Variants in TNS1 observed in about 807,000 individuals in gnomAD.
TNS1 encodes the protein tensin 1, also known as tensin-1.
A neutral mutation model predicts 168.6 loss-of-function variants in TNS1; 62 were observed. The ratio of observed to expected loss-of-function variants is 0.37; its 90% confidence interval spans 0.30 to 0.45. The LOEUF is 0.45. TNS1 is among the 20% of genes least tolerant of loss of function. TNS1 has a pLI of 1.00. For synonymous variants in TNS1, 934 were observed against 933.2 expected, an observed-to-expected ratio of 1.00 and a Z score of -0.02; for missense variants, 2,240 against 2,339.4, an observed-to-expected ratio of 0.96 and a Z score of 0.88.
chr2:217,871,648 C>T (rs553294870), intron 18 of TNS1, among the ~76,000 whole-genome samples: 18 of 152,396 alleles, frequency 1.2e-4, no homozygotes, highest in African/African-American at 3.6e-4. Flanking sequence ...AGTTCTCTCC[C>T]ACAGCCCCAC....
intron 1 of TNS1, among the ~76,000 whole-genome samples, chr2:218,021,078 T>G (rs1958802881): frequency 6.6e-6 from 1 of 152,166 alleles, no homozygotes; most frequent in African/African-American, 2.4e-5. Flanking sequence ...GGCAGAGCAC[T>G]GAATAAGCCT....
intron 7 of TNS1, among the ~76,000 whole-genome samples, chr2:217,898,760 G>A (rs1343086959): frequency 6.6e-6 from 1 of 152,244 alleles, no homozygotes; most frequent in Non-Finnish European, 1.5e-5. Flanking sequence ...GAGAGGTGGG[G>A]AGGCCCCTGG....
chr2:217,800,663 C>T lies in TNS1; in HGVS notation c.*3796G>A, dbSNP rs1937349247. The T allele has an allele frequency of 6.6e-6, 1 of 152,176 alleles. No homozygotes were observed. The highest frequency in any genetic ancestry group is 2.4e-5 in the African/African-American group (1 of 41,430). The allele number at this position is 152,176 out of a possible 1,614,324, so 9.4% of individuals were successfully genotyped here. ...GTAAAGGGCTGCTCTGGGACTCTGC[C>T]CCCCAACCTCTTGGAGGACCCCGAG... On this transcript the variant is annotated 3_prime_UTR_variant, in exon 33 of 33. Transcript: ENST00000682258.
At chr2:217,835,635 G>A (rs1945061310) in intron 20 of TNS1, among the ~76,000 whole-genome samples, 2 of 152,282 alleles carry the variant, frequency 1.3e-5, no homozygotes, top group South Asian at 2.1e-4. Flanking sequence ...CTTTTGGAAT[G>A]AAAATTAAAT....
At chr2:217,843,244 C>T (rs1488648435) in intron 19 of TNS1, among the ~76,000 whole-genome samples, 1 of 152,056 alleles carries the variant, frequency 6.6e-6, no homozygotes, top group Admixed American at 6.5e-5. Context: ...GGTATCTCAC[C>T]TCCTGGTTGA....
At chr2:217,826,801 G>A (rs1943692236) in intron 22 of TNS1, among the ~76,000 whole-genome samples, 1 of 152,226 alleles carries the variant, frequency 6.6e-6, no homozygotes, top group Admixed American at 6.5e-5. Flanking sequence ...CCAAGTGGCT[G>A]CTGGCGGTGA....
upstream of TNS1, among the ~76,000 whole-genome samples, chr2:218,007,871 GC>G (rs1320104340): frequency 6.6e-6 from 1 of 152,142 alleles, no homozygotes; most frequent in African/African-American, 2.4e-5. Flanking sequence ...TACCCACCAA[GC>G]CCTGGCATGA....
intron 21 of TNS1, 77 bp downstream of exon 21, chr2:217,835,014 G>A: frequency 7.4e-7 from 1 of 1,345,756 alleles, no homozygotes; most frequent in Non-Finnish European, 1.0e-6. Flanking sequence ...CTCAGGCCTG[G>A]GGCACTCCCA....
At chr2:217,836,274 C>T in intron 19 of TNS1, 63 bp from the exon 20 acceptor site, 1 of 1,497,148 alleles carries the variant, frequency 6.7e-7, no homozygotes, top group South Asian at 1.3e-5. Context: ...ATCAATCGGC[C>T]TAATCCCATC....
chr2:217,925,748 A>T (rs1317088033), intron 3 of TNS1, among the ~76,000 whole-genome samples: 3 of 152,172 alleles, frequency 2.0e-5, no homozygotes, highest in Non-Finnish European at 2.9e-5. Flanking sequence ...ATCCATTTCT[A>T]GAAACTTTTC....
At chr2:217,854,308 T>C (rs1947868116) in intron 18 of TNS1, among the ~76,000 whole-genome samples, 1 of 152,206 alleles carries the variant, frequency 6.6e-6, no homozygotes, top group Admixed American at 6.5e-5. Context: ...CCAGCCATAT[T>C]GACTGCAAGA....
chr2:217,863,246 C>A (rs909390800), intron 18 of TNS1, among the ~76,000 whole-genome samples: 2 of 151,792 alleles, frequency 1.3e-5, no homozygotes, highest in South Asian at 2.1e-4. Flanking sequence ...TCACACCCTG[C>A]AGGTGGGACA....
chr2:217,937,658 G>C (rs570462205), intron 3 of TNS1, among the ~76,000 whole-genome samples: 1 of 152,148 alleles, frequency 6.6e-6, no homozygotes, highest in Non-Finnish European at 1.5e-5. Context: ...ACTGGGGGAC[G>C]CCCAGCAGAG....
chr2:217,996,511 C>T (rs1041957488), intron 1 of TNS1, among the ~76,000 whole-genome samples: 2 of 152,176 alleles, frequency 1.3e-5, no homozygotes, highest in Non-Finnish European at 2.9e-5. Flanking sequence ...CCCCCACCCC[C>T]ATGCCCTAGC....
At chr2:217,889,903 C>A (rs554550102) in intron 12 of TNS1, among the ~76,000 whole-genome samples, 15 of 152,310 alleles carry the variant, frequency 9.8e-5, no homozygotes, top group African/African-American at 3.6e-4. Flanking sequence ...CAGCCTCCCC[C>A]AAAGACCTCC....
rs889367010 is a variant in TNS1 at position 218,032,662 on chromosome 2, C to T, written c.156+1158G>A. 6.6e-6 allele frequency among the ~76,000 whole-genome samples: 1 copy of T among 152,172 alleles called. No homozygotes were observed. Among genetic ancestry groups the T allele is most frequent in the African/African-American group, 2.4e-5 (1 of 41,438 alleles). ...CCCAAGAACGAGGGTATCACCCCTC[C>T]TCTAGTGAGGCCCCAGGTGATGGGT... On this transcript the variant is annotated intron_variant, in intron 1 of 1. Transcript: ENST00000649572. This position sits in a 1 kb window ranked among gnomAD's most constrained non-coding sequence, Gnocchi z 4.0.
chr2:217,879,953 C>T (rs890048), intron 18 of TNS1, among the ~76,000 whole-genome samples: 67,100 of 152,006 alleles, frequency 0.44, 15,088 homozygotes, highest in Non-Finnish European at 0.48. Context: ...TCCTGGGTCA[C>T]GGGGGTAAAT....
At chr2:217,863,664 C>G (rs1428731667) in intron 18 of TNS1, among the ~76,000 whole-genome samples, 2 of 152,152 alleles carry the variant, frequency 1.3e-5, no homozygotes, top group African/African-American at 4.8e-5. Context: ...TCCTGGGACT[C>G]AGTTTCCAAC....
chr2:217,885,313 A>C, intron 15 of TNS1, 149 bp from the exon 16 acceptor site: 267 of 1,147,394 alleles, frequency 2.3e-4, no homozygotes, highest in Non-Finnish European at 2.9e-4. Context: ...ACAGGATCTC[A>C]GAGTTCTGTG....
Sources: gnomAD v4.1 joint callset for allele counts (sites outside exome capture counted in the v4.1 genomes callset) on GRCh38, gnomAD v4.1.1 for gene constraint, Gnocchi (gnomAD v3.1) non-coding constraint, MANE v1.5 for transcripts, NCBI Gene and HGNC (gene_info 2026-07-23, HGNC 2026-07-21) for gene names.